LBR: variants seen among roughly 807,000 people sequenced by gnomAD.
LBR encodes the protein delta(14)-sterol reductase LBR.
A neutral mutation model predicts 74.3 loss-of-function variants in LBR; 28 were observed. The ratio of observed to expected loss-of-function variants is 0.38; its 90% confidence interval spans 0.28 to 0.52. The LOEUF is 0.52. LBR is among the 20% of genes least tolerant of loss of function. The pLI, the probability that LBR is intolerant of heterozygous loss-of-function variation, is 0.89. For synonymous variants in LBR, 228 were observed against 269.3 expected, an observed-to-expected ratio of 0.85 and a Z score of 1.50; for missense variants, 717 against 760.3, an observed-to-expected ratio of 0.94 and a Z score of 0.67.
chr1:225,423,986 G>A lies in LBR; in HGVS notation c.90C>T (p.His30=), dbSNP rs2230416. 0.011 allele frequency: 17,222 copies of A among 1,613,732 alleles called. 124 individuals carry two copies. Among genetic ancestry groups the A allele is most frequent in the Non-Finnish European group, 0.012 (14,370 of 1,179,736 alleles). Reference sequence around the variant, plus strand: ...CAGTGTAAAGCTGGGAGGTGCTGTCGTGGCTCAGAATTTCTACTTCATAAT... The same window carrying A: ...CAGTGTAAAGCTGGGAGGTGCTGTCATGGCTCAGAATTTCTACTTCATAAT... ...SLYYEVEILS[H]DSTSQLYTVK... Residue 30 remains histidine (H), a synonymous_variant, in exon 2 of 14, where the codon CAC becomes CAT. Transcript: ENST00000272163.
Position 225,406,691 on chromosome 1 carries a change from T to G in LBR, c.1456A>C (p.Met486Leu). ...VSHPNEVSWP[M>L]ASLIIVLKLC... ...TTCAGAACAATAATTAGAGAAGCCA[T>G]TGGCCAAGACACTTCATTTGGATGA... The change falls in exon 11 of 14, where the codon ATG becomes CTG. Residue 486 changes from methionine to leucine, a missense_variant. Coordinates refer to ENST00000272163, the MANE Select transcript of LBR (RefSeq NM_002296.4). The G allele has an allele frequency of 6.2e-7, 1 of 1,612,108 alleles. No homozygotes were observed. The highest frequency in any genetic ancestry group is 8.5e-7 in the Non-Finnish European group (1 of 1,179,564).
At position 225,419,433 on chromosome 1, in the gene LBR, T is replaced by C. The variant is rs1298858382; in HGVS notation, c.470A>G (p.Gln157Arg). 2 of 1,612,340 alleles carry C rather than the reference T, an allele frequency of 1.2e-6. No individual in the cohort carries two copies. The highest frequency in any genetic ancestry group is 3.3e-5 in the Admixed American group (2 of 59,980). The change falls in exon 5 of 14, where the codon CAA (glutamine) becomes CGA (arginine). Residue 157 changes from glutamine (Q) to arginine (R), a missense_variant. By Grantham distance (43) the Gln-to-Arg change is conservative (BLOSUM62 1). Transcript: ENST00000272163. ...KNTQEKFSLS[Q>R]ESSYIATQYS... is the part of the protein sequence containing the mutation. ...CTGTGTTGCTATGTAACTGCTTTCT[T>C]GTGACAAACTGAATTTTTCCTAAAT...
chr1:225,423,658 A>G (rs549771023), intron 2 of LBR, among the ~76,000 whole-genome samples: 22 of 152,312 alleles, frequency 1.4e-4, no homozygotes, highest in Non-Finnish European at 2.5e-4. Context: ...AACTCCAGAC[A>G]CAGAACGTAG....
chr1:225,425,616 G>A (rs1377665735), intron 1 of LBR, among the ~76,000 whole-genome samples: 1 of 152,188 alleles, frequency 6.6e-6, no homozygotes, highest in Admixed American at 6.5e-5. Context: ...ACAACATCCA[G>A]CTTTGCCTAT....
At chr1:225,406,208 A>G (rs184213848) in intron 11 of LBR, among the ~76,000 whole-genome samples, 7 of 152,262 alleles carry the variant, frequency 4.6e-5, no homozygotes, top group Non-Finnish European at 8.8e-5. Flanking sequence ...CCCAGAGAGA[A>G]GTTCTCTCTA....
At chr1:225,423,160 C>G (rs544429131) in intron 2 of LBR, among the ~76,000 whole-genome samples, 2 of 152,152 alleles carry the variant, frequency 1.3e-5, no homozygotes, top group African/African-American at 4.8e-5. Flanking sequence ...ACAAAGTAAT[C>G]TCATATCTAT....
At chr1:225,420,871 T>C (rs577412094) in intron 3 of LBR, among the ~76,000 whole-genome samples, 3 of 152,012 alleles carry the variant, frequency 2.0e-5, no homozygotes, top group South Asian at 2.1e-4. Context: ...AATCTGGCAA[T>C]ATGTATTAAA....
At chr1:225,427,110 C>G (rs577644900) in intron 1 of LBR, among the ~76,000 whole-genome samples, 6 of 151,940 alleles carry the variant, frequency 3.9e-5, no homozygotes, top group Non-Finnish European at 8.8e-5. Flanking sequence ...GCGCGGACCA[C>G]GGTATCTACC....
intron 10 of LBR, among the ~76,000 whole-genome samples, chr1:225,409,986 T>C (rs952981495): frequency 1.2e-4 from 19 of 152,222 alleles, no homozygotes; most frequent in African/African-American, 1.2e-4. Context: ...CATTTTCATG[T>C]GATACCATAA....
In LBR at chr1:225,419,735, C is replaced by G. The variant is rs772650538; in HGVS notation, c.430G>C (p.Ala144Pro). 1 of 1,610,820 alleles carries G rather than the reference C, an allele frequency of 6.2e-7. No homozygotes were observed. The highest frequency in any genetic ancestry group is 1.1e-5 in the South Asian group (1 of 90,848). The change falls in exon 4 of 14, where the codon GCA (alanine) becomes CCA (proline). Residue 144 changes from alanine to proline, a missense_variant. By Grantham distance (27) the Ala-to-Pro change is conservative. Coordinates refer to ENST00000272163, the MANE Select transcript of LBR (RefSeq NM_002296.4). ...CCCACCTGTGTATTTTTATGAGGTG[C>G]GTCATTTCTCTCAATATGCTCAGGC... is the stretch of plus-strand genomic sequence containing the variant. Reference protein sequence around the residue: ...GEPEHIERNDAPHKNTQEKFS... With the variant: ...GEPEHIERNDPPHKNTQEKFS...
rs566286795 is a variant in LBR, at chr1:225,402,099, T to C, written c.*1204A>G. On this transcript the variant is annotated 3_prime_UTR_variant, in exon 14 of 14. Transcript: ENST00000272163. ...TATATCAACTTCACTAGAATTTAAT[T>C]GCTAAAGCTACCTTATGCACATCTA... is the stretch of plus-strand genomic sequence containing the variant. The C allele has an allele frequency of 6.6e-6, 1 of 152,334 alleles. No homozygotes were observed. The highest frequency in any genetic ancestry group is 1.9e-4 in the East Asian group (1 of 5,196). The allele number at this position is 152,334 out of a possible 1,614,324, so 9.4% of individuals were successfully genotyped here. A position where few individuals can be genotyped will look rare whatever the true frequency, so the allele number is the denominator to read the frequency against.
At chr1:225,422,574 G>A in intron 2 of LBR, 2 of 364,604 alleles carry the variant, frequency 5.5e-6, no homozygotes, top group Non-Finnish European at 1.0e-5. Context: ...ATGCAAGAAG[G>A]GTAATAATTA....
At chr1:225,406,911 A>C in intron 10 of LBR, 79 bp from the exon 11 acceptor site, 1 of 1,424,966 alleles carries the variant, frequency 7.0e-7, no homozygotes, top group Non-Finnish European at 9.8e-7. Context: ...TTTACAGGCA[A>C]ATGTAAAAAG....
rs1193948853 is a variant in LBR at position 225,411,430 on chromosome 1, G to C, written c.1095C>G (p.Val365=). Residue 365 remains valine, a synonymous_variant, in exon 9 of 14, where the codon GTC becomes GTG. Coordinates refer to ENST00000272163, the MANE Select transcript of LBR (RefSeq NM_002296.4). ...DLSPASSGNA[V]YDFFIGRELN... is the part of the protein sequence containing the mutation. ...ATTCACGGCCAATGAAGAAATCATAGACAGCATTTCCTGAGAAAGGAAAAG... is the reference window on the plus strand; with the variant it reads ...ATTCACGGCCAATGAAGAAATCATACACAGCATTTCCTGAGAAAGGAAAAG... 4 of 1,612,466 alleles carry C rather than the reference G, an allele frequency of 2.5e-6. No homozygotes were observed. Among genetic ancestry groups the C allele is most frequent in the Non-Finnish European group, 3.4e-6 (4 of 1,178,454 alleles).
intron 12 of LBR, 21 bp from the exon 13 acceptor site, chr1:225,404,547 A>G (rs375444805): frequency 2.5e-6 from 4 of 1,581,630 alleles, no homozygotes; most frequent in Non-Finnish European, 3.4e-6. Flanking sequence ...ATAAAAGTAC[A>G]TTTTTAATGA....
chr1:225,422,340 C>T, intron 2 of LBR, 63 bp from the exon 3 acceptor site: 1 of 1,323,962 alleles, frequency 7.6e-7, no homozygotes, highest in Admixed American at 1.8e-5. Flanking sequence ...GACAGACCCA[C>T]ACTAGAAGAG....
At position 225,419,062 on chromosome 1, in the gene LBR, A is replaced by T. The variant is rs907731854; in HGVS notation, c.640+201T>A. 2.6e-5 allele frequency among the ~76,000 whole-genome samples: 4 copies of T among 151,940 alleles called. No individual in the cohort carries two copies. The South Asian group carries it at 8.3e-4, about 31-fold the overall frequency. Reference sequence around the variant, plus strand: ...ACACAGCTACAATGGCATCCTTTCTACTCCATAATCCCTCAAAATGCTCCC... The same window carrying T: ...ACACAGCTACAATGGCATCCTTTCTTCTCCATAATCCCTCAAAATGCTCCC... On this transcript the variant is annotated intron_variant, in intron 5 of 13. Coordinates refer to ENST00000272163, the MANE Select transcript of LBR (RefSeq NM_002296.4).
intron 5 of LBR, 43 bp downstream of exon 5, chr1:225,419,220 G>T: frequency 6.3e-7 from 1 of 1,592,976 alleles, no homozygotes; most frequent in Non-Finnish European, 8.6e-7. Context: ...ACCACCCCTA[G>T]CTCACCCCAC....
intron 1 of LBR, chr1:225,427,614 A>C (rs970872310): frequency 6.6e-5 from 10 of 152,182 alleles, no homozygotes; most frequent in African/African-American, 2.4e-4. Context: ...AAAGGCGCCC[A>C]CGAACCCTCC....
Sources: gnomAD v4.1 joint callset for allele counts (sites outside exome capture counted in the v4.1 genomes callset) on GRCh38, gnomAD v4.1.1 for gene constraint, MANE v1.5 for transcripts, NCBI Gene and HGNC (gene_info 2026-07-23, HGNC 2026-07-21) for gene names.